The following MYO18B variants were observed in gnomAD, a reference collection of about 807,000 sequenced individuals.
MYO18B encodes myosin XVIIIB.
Under a neutral mutation model 273.0 loss-of-function variants are expected in MYO18B, and 204 were observed. The ratio of observed to expected loss-of-function variants is 0.75; its 90% CI spans 0.67 to 0.84. The LOEUF is 0.84. Among genes scored for constraint, MYO18B ranks in the 40% least tolerant of loss-of-function variants. MYO18B has a pLI of 0.00. For synonymous variants in MYO18B, 1,330 were observed against 1,305.7 expected (o/e 1.02, Z -0.40); for missense variants, 3,212 against 3,287.6 (o/e 0.98, Z 0.56).
the MYO18B span, among the ~76,000 whole-genome samples, chr22:26,036,739 T>C: frequency 0.21 from 32,570 of 152,124 alleles, 5,064 homozygotes; most frequent in African/African-American, 0.44. Flanking sequence ...GATCCTCAGC[T>C]TATGCATAAA....
chr22:25,822,115 C>T (rs761274211), intron 12 of MYO18B, among the ~76,000 whole-genome samples: 23 of 152,146 alleles, frequency 1.5e-4, no homozygotes, highest in Non-Finnish European at 2.5e-4. Context: ...TCTTTAATCC[C>T]GTCTGGTTCC....
At chr22:25,898,949 T>G (rs1237006697) in intron 29 of MYO18B, 1 of 157,876 alleles carries the variant, frequency 6.3e-6, no homozygotes, top group Admixed American at 6.0e-5. Context: ...AATGATGCAG[T>G]CAGTACATCT....
At chr22:25,789,483 A>C (rs1343668309) in intron 11 of MYO18B, among the ~76,000 whole-genome samples, 1 of 151,828 alleles carries the variant, frequency 6.6e-6, no homozygotes, top group Non-Finnish European at 1.5e-5. Context: ...TAAAAATACA[A>C]AAATTAGCCA....
chr22:25,906,480 T>C (rs1261411708), intron 31 of MYO18B, among the ~76,000 whole-genome samples: 1 of 152,200 alleles, frequency 6.6e-6, no homozygotes, highest in African/African-American at 2.4e-5. Flanking sequence ...GGGAATATTA[T>C]CAACATTTTA....
rs570466277 is a variant in MYO18B at position 25,789,523 on chromosome 22, C to G, written c.2376+4032C>G. Among the ~76,000 whole-genome samples the G allele has an allele frequency of 2.0e-5, 3 of 152,056 alleles. No individual in the cohort carries two copies. The East Asian group carries it at 5.8e-4, about 30-fold the overall frequency. Reference sequence around the variant, plus strand: ...TGGTGGCACGTGCCTGTAATCCCATCTACTTGGGAGGCTGAGGCAGGAGAA... The same window carrying G: ...TGGTGGCACGTGCCTGTAATCCCATGTACTTGGGAGGCTGAGGCAGGAGAA... On this transcript the variant is annotated intron_variant, in intron 11 of 43. Coordinates refer to ENST00000335473, the MANE Select transcript of MYO18B (RefSeq NM_032608.7).
At chr22:25,833,101 A>T in intron 16 of MYO18B, 104 bp downstream of exon 16, 11 of 1,041,026 alleles carry the variant, frequency 1.1e-5, no homozygotes, top group Non-Finnish European at 1.5e-5. Flanking sequence ...TGCCGTGTGC[A>T]CCTAGAGTCA....
Position 25,908,433 on chromosome 22 carries a change from G to A in MYO18B, c.5259+1G>A. ...TGTCCGTCAGTCCTGCCAGAAGCGGGTACGTGAGCAGTGAACACAGCTGTG... is the reference window on the plus strand; with the variant it reads ...TGTCCGTCAGTCCTGCCAGAAGCGGATACGTGAGCAGTGAACACAGCTGTG... On this transcript the variant is annotated splice_donor_variant, in intron 32 of 43. Transcript: ENST00000335473. LOFTEE classifies it high-confidence loss of function. 1 of 1,579,012 alleles carries A rather than the reference G, an allele frequency of 6.3e-7. No homozygotes were observed. Among genetic ancestry groups the A allele is most frequent in the Non-Finnish European group, 8.6e-7 (1 of 1,162,338 alleles).
chr22:26,051,185 C>A, the MYO18B span, among the ~76,000 whole-genome samples: 199 of 149,574 alleles, frequency 1.3e-3, no homozygotes, highest in Middle Eastern at 7.2e-3. Flanking sequence ...TACATAGTGT[C>A]ACAGCCAGAG....
chr22:25,939,615 C>T (rs1438607944), intron 34 of MYO18B, among the ~76,000 whole-genome samples: 1 of 152,190 alleles, frequency 6.6e-6, no homozygotes, highest in East Asian at 1.9e-4. Context: ...GGAGCAGGAT[C>T]TGCACCATCA....
At chr22:25,824,041 C>T (rs557789491) in intron 13 of MYO18B, among the ~76,000 whole-genome samples, 5 of 152,130 alleles carry the variant, frequency 3.3e-5, no homozygotes, top group South Asian at 2.1e-4. Flanking sequence ...ATGGAAATCC[C>T]GAGTGGCTGC....
chr22:25,983,675 T>C (rs1339694693), intron 39 of MYO18B: 2 of 152,272 alleles, frequency 1.3e-5, no homozygotes, highest in Non-Finnish European at 2.9e-5. Flanking sequence ...AAGGCAGTGA[T>C]GGACACCTGA....
At chr22:25,908,509 G>A in intron 32 of MYO18B, 77 bp downstream of exon 32, 1 of 1,227,452 alleles carries the variant, frequency 8.1e-7, no homozygotes, top group East Asian at 2.5e-5. Context: ...TTAGAGCGAG[G>A]AGTAGGACAG....
In MYO18B at chr22:25,822,723, G is replaced by A. The variant is rs550707880; in HGVS notation, c.2522-782G>A. On this transcript the variant is annotated intron_variant, in intron 12 of 43. Transcript: ENST00000335473. ...CCGGCAGACTTGCGTCTTAAGAGCC[G>A]AACTCCCTGAAAAAGAAATTCTTGG... Among the ~76,000 whole-genome samples, 12 of 152,326 alleles carry A rather than the reference G, an allele frequency of 7.9e-5. No homozygotes were observed. The South Asian group carries it at 2.1e-3, about 26-fold the overall frequency.
chr22:25,977,240 T>C (rs900678980), intron 39 of MYO18B, among the ~76,000 whole-genome samples: 2 of 152,168 alleles, frequency 1.3e-5, no homozygotes, highest in Non-Finnish European at 2.9e-5. Flanking sequence ...TAATCATCAG[T>C]GGCCTGGATG....
Position 25,768,527 on chromosome 22 carries a change from C to T in MYO18B, c.611C>T (p.Ala204Val), listed in dbSNP as rs530488010. The T allele has an allele frequency of 2.0e-5, 31 of 1,563,174 alleles. No homozygotes were observed. The Admixed American group carries it at 5.8e-4, about 29-fold the overall frequency. Reference protein sequence around the residue: ...ETSRTPCGSQASTEILAPKAE... With the variant: ...ETSRTPCGSQVSTEILAPKAE... ...TCTAGGACTCCTTGTGGCTCCCAGG[C>T]CAGCACCGAGATCTTGGCCCCGAAA... The change falls in exon 4 of 44, where the codon GCC (alanine) becomes GTC (valine). Residue 204 changes from alanine to valine, a missense_variant. Ala to Val is a moderately conservative substitution (Grantham distance 64, BLOSUM62 0). Transcript: ENST00000335473.
chr22:25,984,883 A>G (rs2093184955), intron 39 of MYO18B, among the ~76,000 whole-genome samples: 1 of 151,994 alleles, frequency 6.6e-6, no homozygotes, highest in African/African-American at 2.4e-5. Context: ...GGAATGAAAC[A>G]CTTGGCTTGG....
At chr22:25,848,288 C>T (rs979628190) in intron 20 of MYO18B, among the ~76,000 whole-genome samples, 3 of 152,108 alleles carry the variant, frequency 2.0e-5, no homozygotes, top group Non-Finnish European at 4.4e-5. Context: ...ACGGGAGGCC[C>T]TGAGGCCTAA....
intron 12 of MYO18B, among the ~76,000 whole-genome samples, chr22:25,807,682 C>G (rs557618661): frequency 6.6e-6 from 1 of 152,260 alleles, no homozygotes; most frequent in South Asian, 2.1e-4. Context: ...ATCACCTTTT[C>G]TGAGTGGCAA....
chr22:26,058,083 C>T, the MYO18B span, among the ~76,000 whole-genome samples: 1 of 152,142 alleles, frequency 6.6e-6, no homozygotes, highest in Non-Finnish European at 1.5e-5. Flanking sequence ...TGTTCAAGGT[C>T]CTCAAGATGA....
Sources: gnomAD v4.1 joint callset for allele counts (sites outside exome capture counted in the v4.1 genomes callset) on GRCh38, gnomAD v4.1.1 for gene constraint, MANE v1.5 for transcripts, NCBI Gene and HGNC (gene_info 2026-07-23, HGNC 2026-07-21) for gene names.